Variants in CATSPER3 observed in about 807,000 individuals in gnomAD.
CATSPER3 encodes cation channel sperm-associated protein 3.
Under a neutral mutation model 36.6 loss-of-function variants are expected in CATSPER3, and 23 were observed. That is an observed-to-expected ratio of 0.63 (90% CI 0.45 to 0.89). The LOEUF is 0.89. CATSPER3 is among the 40% of genes least tolerant of loss of function. The pLI is 0.00. For missense variants in CATSPER3, 474 were observed against 503.9 expected (o/e 0.94, Z 0.57); for synonymous variants, 172 against 184.1 (o/e 0.93, Z 0.53).
chr5:134,994,553 A>G (rs1324964970), intron 2 of CATSPER3, among the ~76,000 whole-genome samples: 5 of 152,268 alleles, frequency 3.3e-5, no homozygotes, highest in Non-Finnish European at 1.5e-5. Flanking sequence ...ACTCCTAGGT[A>G]TATATCTGAG....
chr5:134,981,491 A>G (rs951652078), intron 2 of CATSPER3, among the ~76,000 whole-genome samples: 1 of 152,164 alleles, frequency 6.6e-6, no homozygotes, highest in African/African-American at 2.4e-5. Context: ...GTCTCAAAAA[A>G]TAAATAGAAA....
chr5:134,995,410 T>G (rs781223153), intron 2 of CATSPER3, among the ~76,000 whole-genome samples: 11 of 152,222 alleles, frequency 7.2e-5, no homozygotes, highest in Non-Finnish European at 1.3e-4. Context: ...TGCTTCCATC[T>G]TTTCTAAAAT....
At chr5:134,970,739 T>C (rs1193945410) in intron 2 of CATSPER3, among the ~76,000 whole-genome samples, 2 of 150,898 alleles carry the variant, frequency 1.3e-5, no homozygotes, top group African/African-American at 4.9e-5. Context: ...GCTTGGGTAA[T>C]TTTTGTGTTT....
At chr5:134,971,767 A>G (rs1253862907) in intron 2 of CATSPER3, among the ~76,000 whole-genome samples, 2 of 152,214 alleles carry the variant, frequency 1.3e-5, no homozygotes, top group Non-Finnish European at 1.5e-5. Context: ...AGTTGGGATA[A>G]ATACTGGAAA....
At position 135,009,428 on chromosome 5, in the gene CATSPER3, G is replaced by A. The variant is rs1752148695; in HGVS notation, c.874G>A (p.Gly292Arg). 1 of 1,612,984 alleles carries A rather than the reference G, an allele frequency of 6.2e-7. No individual in the cohort carries two copies. Among genetic ancestry groups the A allele is most frequent in the Admixed American group, 1.7e-5 (1 of 60,030 alleles). The change falls in exon 6 of 8, where the codon GGA becomes AGA. Residue 292 changes from glycine to arginine, a missense_variant. Gly to Arg is a moderately radical substitution (Grantham distance 125, BLOSUM62 -2). Transcript: ENST00000282611. ...GTTGGAGCAGCAGGAGATGCTCATG[G>A]GAGAGAAGCAGGTGATTCTGCAGCG... ...LMLEQQEMLM[G>R]EKQVILQRQQ...
intron 3 of CATSPER3, among the ~76,000 whole-genome samples, chr5:135,006,590 A>T (rs1379649198): frequency 1.3e-5 from 2 of 152,224 alleles, no homozygotes; most frequent in East Asian, 3.9e-4. Flanking sequence ...TAATCCCAGC[A>T]CTTTGGGAGG....
intron 2 of CATSPER3, among the ~76,000 whole-genome samples, chr5:134,980,556 G>T (rs1170077079): frequency 6.7e-6 from 1 of 149,722 alleles, no homozygotes; most frequent in Non-Finnish European, 1.5e-5. Flanking sequence ...TCAGCCTCCC[G>T]AGTAGCTGGG....
chr5:134,974,344 A>G (rs547713961), intron 2 of CATSPER3, among the ~76,000 whole-genome samples: 14 of 152,330 alleles, frequency 9.2e-5, no homozygotes, highest in Admixed American at 7.8e-4. Flanking sequence ...AAATGGCAAG[A>G]CGACTTATTA....
At chr5:135,003,871 A>G (rs1357804395) in intron 3 of CATSPER3, among the ~76,000 whole-genome samples, 1 of 152,224 alleles carries the variant, frequency 6.6e-6, no homozygotes, top group Non-Finnish European at 1.5e-5. Flanking sequence ...CTTGGCTAGC[A>G]AAGGGAATTT....
chr5:134,984,933 C>T (rs1751791495), intron 2 of CATSPER3, among the ~76,000 whole-genome samples: 1 of 152,172 alleles, frequency 6.6e-6, no homozygotes, highest in Admixed American at 6.5e-5. Flanking sequence ...ATTCTCCCGC[C>T]TCAGCTTCCC....
chr5:134,968,359 A>C, intron 1 of CATSPER3: 19 of 422,550 alleles, frequency 4.5e-5, no homozygotes, highest in South Asian at 3.7e-4. Context: ...CCCCATCTCA[A>C]ATCAGATAAT....
chr5:135,005,170 G>C (rs997825499), intron 3 of CATSPER3, among the ~76,000 whole-genome samples: 1 of 152,228 alleles, frequency 6.6e-6, no homozygotes, highest in African/African-American at 2.4e-5. Context: ...TGCTGGCTTA[G>C]TGCACCGTCT....
intron 3 of CATSPER3, among the ~76,000 whole-genome samples, chr5:135,002,079 A>G (rs1292641835): frequency 6.6e-6 from 1 of 152,172 alleles, no homozygotes; most frequent in African/African-American, 2.4e-5. Flanking sequence ...ACAATTTGGC[A>G]TGTTTTTGCA....
chr5:134,984,051 C>G (rs1751779700), intron 2 of CATSPER3, among the ~76,000 whole-genome samples: 1 of 152,168 alleles, frequency 6.6e-6, no homozygotes. Flanking sequence ...ACACCCTATT[C>G]AATAAATGGT....
chr5:134,972,173 G>C (rs138028481), intron 2 of CATSPER3, among the ~76,000 whole-genome samples: 3 of 152,198 alleles, frequency 2.0e-5, no homozygotes, highest in Non-Finnish European at 4.4e-5. Context: ...GAGCACTGAC[G>C]TGACACTCAA....
At chr5:134,981,323 T>C (rs1751748646) in intron 2 of CATSPER3, among the ~76,000 whole-genome samples, 1 of 152,032 alleles carries the variant, frequency 6.6e-6, no homozygotes. Flanking sequence ...AAACCCTGTC[T>C]CTAATAAAAA....
rs781613784 is a variant in CATSPER3, at chr5:135,011,504, C to T, written c.1095-17C>T. ...CCTCTGACCTCAGATCTTATCTCCT[C>T]CTGCTCCATTTTTCAGGCTTCAAGA... On this transcript the variant is annotated splice_polypyrimidine_tract_variant and intron_variant, in intron 7 of 7. Coordinates refer to ENST00000282611, the MANE Select transcript of CATSPER3 (RefSeq NM_178019.3). 48 of 1,600,850 alleles carry T rather than the reference C, an allele frequency of 3.0e-5. No individual in the cohort carries two copies. The highest frequency in any genetic ancestry group is 2.9e-4 in the South Asian group (26 of 90,322).
chr5:134,984,863 T>C (rs1270592050), intron 2 of CATSPER3, among the ~76,000 whole-genome samples: 1 of 151,148 alleles, frequency 6.6e-6, no homozygotes, highest in African/African-American at 2.4e-5. Flanking sequence ...TTGCCCAGAC[T>C]GGAGTGCAGT....
chr5:135,001,508 G>C (rs1184469108), intron 3 of CATSPER3, among the ~76,000 whole-genome samples: 1 of 152,182 alleles, frequency 6.6e-6, no homozygotes. Context: ...TTAACTTTCT[G>C]TCTCATTGAT....
Sources: allele counts gnomAD v4.1 joint callset (sites outside exome capture counted in the v4.1 genomes callset), GRCh38; gene constraint gnomAD v4.1.1; transcripts MANE v1.5; gene names NCBI Gene and HGNC (gene_info 2026-07-23, HGNC 2026-07-21).